The following UBL3 variants were observed in gnomAD, a reference collection of about 807,000 sequenced individuals.
The protein encoded by UBL3 is ubiquitin like 3, also known as ubiquitin-like protein 3.
In UBL3, 6 loss-of-function variants were observed where a neutral mutation model predicts 18.4. The ratio of observed to expected loss-of-function variants is 0.33; its 90% CI spans 0.18 to 0.64. UBL3 has a LOEUF of 0.64. Ranked by LOEUF, UBL3 falls within the 30% of genes least tolerant of loss-of-function variation. The probability of loss-of-function intolerance (pLI) is 0.76; values close to 1 mark genes in which losing one functional copy is unlikely to be tolerated. For missense variants in UBL3, 109 were observed against 142.9 expected (o/e 0.76, Z 1.21); for synonymous variants, 49 against 46.6 (o/e 1.05, Z -0.21).
chr13:29,835,129 T>TAAATATATATATATATATAA (rs1156741342), intron 1 of UBL3, among the ~76,000 whole-genome samples: 1 of 3,884 alleles, frequency 2.6e-4, no homozygotes, highest in Non-Finnish European at 4.5e-4. Flanking sequence ...TATATAAATA[T>TAAATATATATATATATATAA]ATATATATAT....
At chr13:29,818,136 C>A (rs1470101941) in intron 1 of UBL3, among the ~76,000 whole-genome samples, 1 of 152,098 alleles carries the variant, frequency 6.6e-6, no homozygotes, top group African/African-American at 2.4e-5. Flanking sequence ...CCCTTAACTG[C>A]ACCAAGCAGT....
At chr13:29,792,657 T>C (rs1163292408) in intron 1 of UBL3, among the ~76,000 whole-genome samples, 1 of 152,236 alleles carries the variant, frequency 6.6e-6, no homozygotes, top group African/African-American at 2.4e-5. Context: ...GCTCTTAATA[T>C]TGAAGTTCTT....
intron 1 of UBL3, among the ~76,000 whole-genome samples, chr13:29,836,067 G>A (rs1878954654): frequency 6.6e-6 from 1 of 152,114 alleles, no homozygotes; most frequent in African/African-American, 2.4e-5. Context: ...TTAGTTCCAA[G>A]ATTAATACAA....
chr13:29,786,381 C>T (rs1877318701), intron 1 of UBL3, among the ~76,000 whole-genome samples: 1 of 152,194 alleles, frequency 6.6e-6, no homozygotes, highest in Non-Finnish European at 1.5e-5. Context: ...GCACTCCTCA[C>T]CCTCTACCCC....
chr13:29,818,385 A>G (rs1878340231), intron 1 of UBL3, among the ~76,000 whole-genome samples: 1 of 152,208 alleles, frequency 6.6e-6, no homozygotes. Context: ...AACGACTACT[A>G]ATCTTTTACA....
chr13:29,845,234 C>A (rs1313932359), intron 1 of UBL3, among the ~76,000 whole-genome samples: 2 of 152,054 alleles, frequency 1.3e-5, no homozygotes, highest in Non-Finnish European at 2.9e-5. Context: ...CATCTGTTTT[C>A]TTAATAAAAA....
At chr13:29,807,498 T>C (rs1031619169) in intron 1 of UBL3, among the ~76,000 whole-genome samples, 14 of 152,236 alleles carry the variant, frequency 9.2e-5, no homozygotes, top group African/African-American at 2.9e-4. Flanking sequence ...CACCAAATTA[T>C]TGACTTCAAC....
intron 1 of UBL3, among the ~76,000 whole-genome samples, chr13:29,844,511 T>C (rs1222138543): frequency 2.0e-5 from 3 of 152,128 alleles, no homozygotes; most frequent in Admixed American, 6.5e-5. Context: ...CTCTAAGTCA[T>C]CAAAAATAAG....
At chr13:29,845,804 T>C (rs915281485) in intron 1 of UBL3, among the ~76,000 whole-genome samples, 8 of 152,144 alleles carry the variant, frequency 5.3e-5, no homozygotes, top group Non-Finnish European at 4.4e-5. Context: ...ATACGGGGCT[T>C]TTCTTTGACC....
chr13:29,779,368 T>G (rs1196373055), intron 1 of UBL3: 1 of 302,244 alleles, frequency 3.3e-6, no homozygotes, highest in African/African-American at 2.3e-5. Flanking sequence ...CCCCTAGTAG[T>G]TCAGCCACTT....
At position 29,793,222 on chromosome 13, in the gene UBL3, T is replaced by C. The variant is rs368252348; in HGVS notation, c.28-15959A>G. The stretch of plus-strand genomic sequence containing the variant: ...GAACAGATAAACTCCTGGGGAAAAG[T>C]CAACGACTAACAGACAGCAGAAATA... On this transcript the variant is annotated intron_variant, in intron 1 of 4. Coordinates refer to ENST00000380680, the MANE Select transcript of UBL3 (RefSeq NM_007106.4). 6.4e-4 allele frequency among the ~76,000 whole-genome samples: 98 copies of C among 152,210 alleles called. 2 individuals carry two copies. Among genetic ancestry groups the C allele is most frequent in the Middle Eastern group, 3.4e-3 (1 of 294 alleles).
intron 1 of UBL3, among the ~76,000 whole-genome samples, chr13:29,793,417 CAG>C (rs1877531363): frequency 6.6e-6 from 1 of 152,088 alleles, no homozygotes; most frequent in South Asian, 2.1e-4. Context: ...GAAACAGGCT[CAG>C]AGTTTTTAAA....
In UBL3 at chr13:29,849,727, C is replaced by T. The variant is rs564232755; in HGVS notation, c.-189G>A. The T allele has an allele frequency of 1.4e-6, 1 of 702,054 alleles. No homozygotes were observed. Among genetic ancestry groups the T allele is most frequent in the Non-Finnish European group, 2.4e-6 (1 of 419,756 alleles). 43.5% of individuals were successfully genotyped at this position (702,054 alleles called of 1,614,324 possible). A position where few individuals can be genotyped will look rare whatever the true frequency, so the allele number is the denominator to read the frequency against. On this transcript the variant is annotated 5_prime_UTR_variant, in exon 1 of 5. Coordinates refer to ENST00000380680, the MANE Select transcript of UBL3 (RefSeq NM_007106.4). ...AGGTTCTGGTTCGAAGAGGAACAAT[C>T]CCCAGGAGCTGTGTGGCCGGAGCAG... is the stretch of plus-strand genomic sequence containing the variant.
At chr13:29,838,503 C>A (rs1218742152) in intron 1 of UBL3, among the ~76,000 whole-genome samples, 1 of 151,992 alleles carries the variant, frequency 6.6e-6, no homozygotes, top group Non-Finnish European at 1.5e-5. Context: ...GAAAACAAAG[C>A]AAAGACTGGA....
chr13:29,786,605 CTG>C (rs1375566640), intron 1 of UBL3, among the ~76,000 whole-genome samples: 1 of 152,212 alleles, frequency 6.6e-6, no homozygotes, highest in African/African-American at 2.4e-5. Context: ...TTTAAGCCAT[CTG>C]TGAAAACAGA....
intron 3 of UBL3, among the ~76,000 whole-genome samples, chr13:29,769,785 G>A (rs955228997): frequency 2.6e-5 from 4 of 152,026 alleles, no homozygotes; most frequent in African/African-American, 9.7e-5. Flanking sequence ...GGGATTCAGG[G>A]CTATGTTTTA....
chr13:29,839,694 G>A lies in UBL3; in HGVS notation c.27+9818C>T, dbSNP rs928427671. The stretch of plus-strand genomic sequence containing the variant: ...TGTAATCCCAGCACTTTGGGAGGCT[G>A]AGGCGGGAGGATCACGAGGTCAGGA... On this transcript the variant is annotated intron_variant, in intron 1 of 4. Coordinates refer to ENST00000380680, the MANE Select transcript of UBL3 (RefSeq NM_007106.4). 4.6e-5 allele frequency among the ~76,000 whole-genome samples: 7 copies of A among 152,248 alleles called. No individual in the cohort carries two copies. In the East Asian group the frequency reaches 5.8e-4, roughly 13 times the overall value.
At chr13:29,810,562 C>A (rs1446247750) in intron 1 of UBL3, among the ~76,000 whole-genome samples, 1 of 152,070 alleles carries the variant, frequency 6.6e-6, no homozygotes, top group Non-Finnish European at 1.5e-5. Context: ...AAGATGAAGA[C>A]AAGGCATCTT....
intron 1 of UBL3, chr13:29,779,097 G>C (rs536421746): frequency 2.8e-6 from 1 of 360,786 alleles, no homozygotes; most frequent in African/African-American, 2.3e-5. Flanking sequence ...AGTTCCACTT[G>C]AATAAGTTCA....
Sources: allele counts gnomAD v4.1 joint callset (sites outside exome capture counted in the v4.1 genomes callset), GRCh38; gene constraint gnomAD v4.1.1; transcripts MANE v1.5; gene names NCBI Gene and HGNC (gene_info 2026-07-23, HGNC 2026-07-21).